Variants in SYT16 observed in about 807,000 individuals in gnomAD.
SYT16 encodes the protein synaptotagmin 16, also known as synaptotagmin-16.
SYT16 carries 42 observed loss-of-function variants against 61.4 expected under a neutral mutation model. That is an observed-to-expected ratio of 0.68 (90% CI 0.53 to 0.89). The LOEUF is 0.89. Among genes scored for constraint, SYT16 ranks in the 40% least tolerant of loss-of-function variants. The pLI, the probability that SYT16 is intolerant of heterozygous loss-of-function variation, is 0.00. For missense variants in SYT16, 804 were observed against 807.3 expected (o/e 1.00, Z 0.05); for synonymous variants, 314 against 302.3 (o/e 1.04, Z -0.40).
At chr14:61,919,589 A>C (rs1207139314) in intron 1 of SYT16, among the ~76,000 whole-genome samples, 3 of 152,192 alleles carry the variant, frequency 2.0e-5, no homozygotes, top group Non-Finnish European at 4.4e-5. Context: ...TTGAGTTCTC[A>C]TGCTGCCATT....
chr14:62,069,477 C>A, intron 3 of SYT16, 126 bp from the exon 4 acceptor site: 1 of 936,310 alleles, frequency 1.1e-6, no homozygotes. Context: ...TTTTTCTATC[C>A]AGTTTGAGTG....
chr14:62,036,228 G>C (rs1398997514), intron 3 of SYT16, among the ~76,000 whole-genome samples: 3 of 152,132 alleles, frequency 2.0e-5, no homozygotes, highest in African/African-American at 4.8e-5. Flanking sequence ...ATGAGTTAAA[G>C]TTGGAAATGA....
chr14:61,988,052 C>G (rs1260609812), intron 2 of SYT16, among the ~76,000 whole-genome samples: 5 of 152,008 alleles, frequency 3.3e-5, no homozygotes, highest in Non-Finnish European at 7.4e-5. Context: ...ACATTTCCTC[C>G]TAATTATATT....
At position 61,888,937 on chromosome 14, in the gene SYT16, C is replaced by T. The variant is rs1429042920; in HGVS notation, c.-325+76127C>T. 2.1e-4 allele frequency among the ~76,000 whole-genome samples: 32 copies of T among 152,130 alleles called. 4 individuals are homozygous for T. Among genetic ancestry groups the T allele is most frequent in the Admixed American group, 2.1e-3 (32 of 15,272 alleles). ...TCCTCTGTCACATTTAGGTTTTGCG[C>T]TGGTATTGGTACAAGGACTTAGGAT... On this transcript the variant is annotated intron_variant, in intron 1 of 7. Coordinates refer to ENST00000683842, the MANE Select transcript of SYT16 (RefSeq NM_001367656.1).
intron 1 of SYT16, among the ~76,000 whole-genome samples, chr14:61,911,879 C>T (rs188662): frequency 0.91 from 138,488 of 152,276 alleles, 63,105 homozygotes; most frequent in East Asian, 0.98. Flanking sequence ...ATAACAGAAA[C>T]GGGTTTGCAT....
At chr14:62,020,439 C>G (rs2053866743) in intron 3 of SYT16, among the ~76,000 whole-genome samples, 1 of 152,308 alleles carries the variant, frequency 6.6e-6, no homozygotes, top group South Asian at 2.1e-4. Context: ...CCTCTTCTCT[C>G]TCCGTCTTTA....
intron 1 of SYT16, among the ~76,000 whole-genome samples, chr14:61,923,166 A>G (rs1158064374): frequency 6.6e-6 from 1 of 152,202 alleles, no homozygotes; most frequent in Non-Finnish European, 1.5e-5. Context: ...TTAGGGCAAC[A>G]AAAGAATATT....
At position 61,965,974 on chromosome 14, in the gene SYT16, CCA is replaced by C. The variant is rs1163104239; in HGVS notation, c.-324-4155_-324-4154del. Among the ~76,000 whole-genome samples the C allele has an allele frequency of 3.9e-5, 6 of 151,916 alleles. No individual in the cohort carries two copies. In the South Asian group the frequency reaches 1.2e-3, roughly 32 times the overall value. The stretch of plus-strand genomic sequence containing the variant: ...CATACAGACTGAAAAATTCTGTTGC[CCA>C]CAGAGTAACGAAAAGTAAGCTGCAT... On this transcript the variant is annotated intron_variant, in intron 1 of 7. Coordinates refer to ENST00000683842, the MANE Select transcript of SYT16 (RefSeq NM_001367656.1).
chr14:61,974,398 G>A (rs930063518), intron 2 of SYT16, among the ~76,000 whole-genome samples: 1 of 152,208 alleles, frequency 6.6e-6, no homozygotes, highest in African/African-American at 2.4e-5. Context: ...TAGTGATGAT[G>A]TGCTGTTGCA....
chr14:61,827,872 A>G (rs184790703), intron 1 of SYT16, among the ~76,000 whole-genome samples: 1 of 152,302 alleles, frequency 6.6e-6, no homozygotes, highest in Admixed American at 6.5e-5. Context: ...TATATATTAT[A>G]TTCATATTCT....
intron 1 of SYT16, among the ~76,000 whole-genome samples, chr14:61,824,334 A>G (rs1270346475): frequency 6.6e-6 from 1 of 152,104 alleles, no homozygotes; most frequent in Non-Finnish European, 1.5e-5. Context: ...TGGCTTATAT[A>G]TAATAAGCAT....
chr14:62,081,725 C>T (rs746681600), intron 6 of SYT16, among the ~76,000 whole-genome samples: 7 of 152,192 alleles, frequency 4.6e-5, no homozygotes, highest in East Asian at 1.9e-4. Flanking sequence ...GTGTTACTAC[C>T]GTCTTCCCTC....
chr14:61,863,431 A>C (rs1321925285), intron 1 of SYT16, among the ~76,000 whole-genome samples: 1 of 152,160 alleles, frequency 6.6e-6, no homozygotes, highest in Admixed American at 6.5e-5. Flanking sequence ...GTGTTTGTAA[A>C]GCTCTTTGGC....
intron 3 of SYT16, among the ~76,000 whole-genome samples, chr14:62,055,594 C>G (rs973601655): frequency 6.6e-6 from 1 of 152,068 alleles, no homozygotes; most frequent in African/African-American, 2.4e-5. Flanking sequence ...TGGATTTGGT[C>G]TGGCGGGGAA....
intron 1 of SYT16, among the ~76,000 whole-genome samples, chr14:61,874,864 C>T (rs937505528): frequency 4.6e-5 from 7 of 151,252 alleles, no homozygotes; most frequent in South Asian, 2.1e-4. Flanking sequence ...TGTATTGCCA[C>T]GTTAGAGTCT....
chr14:62,082,883 C>T (rs929765474), intron 6 of SYT16, among the ~76,000 whole-genome samples: 1 of 152,166 alleles, frequency 6.6e-6, no homozygotes, highest in Non-Finnish European at 1.5e-5. Context: ...ATTTGTTGAG[C>T]ACAGTTATGT....
At chr14:61,996,880 G>A (rs2052793520) in intron 3 of SYT16, among the ~76,000 whole-genome samples, 1 of 151,926 alleles carries the variant, frequency 6.6e-6, no homozygotes. Context: ...TTCTAGGTTA[G>A]GAATTTCTAG....
rs2141022564 is a variant in SYT16, at chr14:62,100,417, C to T, written c.1648C>T (p.Leu550Phe). Residue 550 changes from leucine to phenylalanine, a missense_variant, in exon 8 of 8, where the codon CTC (leucine) becomes TTC (phenylalanine). Leu to Phe is a conservative substitution (Grantham distance 22). Transcript: ENST00000683842. The part of the protein sequence containing the change: ...APDTYGKLFL[L>F]NSVGQEMSRC... ...AGATACATATGGAAAACTCTTTCTC[C>T]TCAATTCTGTGGGTCAAGAGATGTC... is the stretch of plus-strand genomic sequence containing the variant. The T allele has an allele frequency of 1.2e-6, 2 of 1,610,454 alleles. No homozygotes were observed. Among genetic ancestry groups the T allele is most frequent in the Non-Finnish European group, 1.7e-6 (2 of 1,178,176 alleles).
intron 3 of SYT16, among the ~76,000 whole-genome samples, chr14:62,049,248 T>G (rs893297944): frequency 1.1e-4 from 17 of 152,320 alleles, no homozygotes; most frequent in African/African-American, 3.6e-4. Context: ...CTTTGTCTCT[T>G]TTGATCTTTG....
Sources: allele counts gnomAD v4.1 joint callset (sites outside exome capture counted in the v4.1 genomes callset), GRCh38; gene constraint gnomAD v4.1.1; transcripts MANE v1.5; gene names NCBI Gene and HGNC (gene_info 2026-07-23, HGNC 2026-07-21).